NDUFB7: variants seen among roughly 807,000 people sequenced by gnomAD.
The protein encoded by NDUFB7 is NADH dehydrogenase [ubiquinone] 1 beta subcomplex subunit 7.
A neutral mutation model predicts 14.7 loss-of-function variants in NDUFB7; 18 were observed. That is an observed-to-expected ratio of 1.22 (90% CI 0.85 to 1.81). The LOEUF (loss-of-function observed/expected upper bound fraction) is 1.81, where lower values mean the gene tolerates loss of function less well. Ranked by LOEUF, NDUFB7 falls within the 40% of genes most tolerant of loss-of-function variation. The probability of loss-of-function intolerance (pLI) is 0.00; values close to 1 mark genes in which losing one functional copy is unlikely to be tolerated. For synonymous variants in NDUFB7, 86 were observed against 76.1 expected (o/e 1.13, Z -0.68); for missense variants, 219 against 195.0 (o/e 1.12, Z -0.73).
chr19:14,571,983 G>A lies in NDUFB7; in HGVS notation c.18C>T (p.Val6=), dbSNP rs1476358300. The A allele has an allele frequency of 1.2e-6, 2 of 1,604,392 alleles. No individual in the cohort carries two copies. Among genetic ancestry groups the A allele is most frequent in the Non-Finnish European group, 1.7e-6 (2 of 1,176,104 alleles). ...CCGAGGCATCGCCCAGGTAGCGCCG[G>A]ACCAGGTGGGCCCCCATGGCTGCAG... is the stretch of plus-strand genomic sequence containing the variant. MGAHL[V]RRYLGDASVE... is the part of the protein sequence containing the mutation. The change falls in exon 1 of 3, where the codon GTC becomes GTT. Residue 6 remains valine, a synonymous_variant. Transcript: ENST00000215565.
intron 1 of NDUFB7, among the ~76,000 whole-genome samples, chr19:14,570,753 C>CA (rs1599516112): frequency 6.6e-6 from 1 of 152,376 alleles, no homozygotes; most frequent in East Asian, 1.9e-4. Flanking sequence ...ACAGTGCCTG[C>CA]ATCCCTCCAG....
chr19:14,567,576 C>T lies in NDUFB7; in HGVS notation c.113-643G>A, dbSNP rs1206890276. Among the ~76,000 whole-genome samples the T allele has an allele frequency of 2.0e-5, 3 of 152,056 alleles. No individual in the cohort carries two copies. Among genetic ancestry groups the T allele is most frequent in the Non-Finnish European group, 2.9e-5 (2 of 68,000 alleles). ...CAAACCTGACTCCGGACAAATCAAC[C>T]TTCAGGAGGGGGCCGATGGGAGCAT... On this transcript the variant is annotated intron_variant, in intron 1 of 2. Coordinates refer to ENST00000215565, the MANE Select transcript of NDUFB7 (RefSeq NM_004146.6). This position sits in a 1 kb window ranked among gnomAD's most constrained non-coding sequence, Gnocchi z 5.1.
rs778719618 is a variant in NDUFB7, at chr19:14,566,915, T to C, written c.131A>G (p.Gln44Arg). 66 of 1,585,088 alleles carry C rather than the reference T, an allele frequency of 4.2e-5. No individual in the cohort carries two copies. In the Admixed American group the frequency reaches 1.1e-3, roughly 27 times the overall value. ...CCTCAGCTGCGCGTCCATCATCTCC[T>C]GCTGTGTGGCCACCATCTCTGCAGG... ...RKEREMVATQ[Q>R]EMMDAQLRLQ... Residue 44 changes from glutamine (Q) to arginine (R), a missense_variant, in exon 2 of 3, where the codon CAG (glutamine) becomes CGG (arginine). By Grantham distance (43) the Gln-to-Arg change is conservative. Coordinates refer to ENST00000215565, the MANE Select transcript of NDUFB7 (RefSeq NM_004146.6).
At position 14,567,238 on chromosome 19, in the gene NDUFB7, C is replaced by A. The variant is rs2074096771; in HGVS notation, c.113-305G>T. ...TTGCCTCCCCTCCCACAGGGATGCCCGTCCCCAGCTCTCTACAGCCCCGCT... is the reference window on the plus strand; with the variant it reads ...TTGCCTCCCCTCCCACAGGGATGCCAGTCCCCAGCTCTCTACAGCCCCGCT... On this transcript the variant is annotated intron_variant, in intron 1 of 2. Coordinates refer to ENST00000215565, the MANE Select transcript of NDUFB7 (RefSeq NM_004146.6). The surrounding 1 kb of genome is among the most constrained non-coding windows in gnomAD (Gnocchi z 5.1). Among the ~76,000 whole-genome samples, 1 of 152,092 alleles carries A rather than the reference C, an allele frequency of 6.6e-6. No homozygotes were observed. Among genetic ancestry groups the A allele is most frequent in the Non-Finnish European group, 1.5e-5 (1 of 68,006 alleles).
In NDUFB7 at chr19:14,566,206, C is replaced by A. The variant is rs759103500; in HGVS notation, c.341G>T (p.Arg114Leu). The A allele has an allele frequency of 1.2e-6, 2 of 1,613,944 alleles. No homozygotes were observed. Among genetic ancestry groups the A allele is most frequent in the African/African-American group, 1.3e-5 (1 of 74,946 alleles). ...CAACTCTGCCGCCTTCTTCTCCCGC[C>A]GCTTCTTCCGCTGGAGCAGCCTCCG... Reference protein sequence around the residue: ...RERRLLQRKKRREKKAAELAK... With the variant: ...RERRLLQRKKLREKKAAELAK... The change falls in exon 3 of 3, where the codon CGG (arginine) becomes CTG (leucine). Residue 114 changes from arginine (R) to leucine (L), a missense_variant. Transcript: ENST00000215565.
intron 1 of NDUFB7, among the ~76,000 whole-genome samples, chr19:14,570,413 G>T (rs940049407): frequency 1.3e-4 from 19 of 151,780 alleles, no homozygotes. Flanking sequence ...CATTGGCCAG[G>T]ATGGTCTCAA....
rs1031224917 is a variant in NDUFB7 at position 14,567,468 on chromosome 19, C to G, written c.113-535G>C. 6.6e-6 allele frequency among the ~76,000 whole-genome samples: 1 copy of G among 152,170 alleles called. No homozygotes were observed. Among genetic ancestry groups the G allele is most frequent in the Non-Finnish European group, 1.5e-5 (1 of 68,038 alleles). On this transcript the variant is annotated intron_variant, in intron 1 of 2. Transcript: ENST00000215565. The surrounding 1 kb of genome is among the most constrained non-coding windows in gnomAD (Gnocchi z 5.1). ...GGAAGTTACCCGAGCATCCACTGAG[C>G]TAACAGTACCTGTAAGGTACTTAGG...
intron 2 of NDUFB7, 48 bp downstream of exon 2, chr19:14,566,717 T>TGGGGTGTTGCGGGCC: frequency 9.1e-7 from 1 of 1,099,364 alleles, no homozygotes; most frequent in South Asian, 1.4e-5. Flanking sequence ...GCTGGGGGTA[T>TGGGGTGTTGCGGGCC]GGGGTGTTGC....
chr19:14,570,885 G>A (rs891980011), intron 1 of NDUFB7, among the ~76,000 whole-genome samples: 1 of 152,130 alleles, frequency 6.6e-6, no homozygotes, highest in African/African-American at 2.4e-5. Context: ...CATCCTGGGC[G>A]TAGTGGCTCA....
At chr19:14,570,863 G>A (rs112791563) in intron 1 of NDUFB7, among the ~76,000 whole-genome samples, 4,495 of 152,088 alleles carry the variant, frequency 0.03, 91 homozygotes, top group East Asian at 0.082. Context: ...ACAAACACAC[G>A]AACCAAAAAA....
At chr19:14,571,569 G>A (rs2074125128) in intron 1 of NDUFB7, among the ~76,000 whole-genome samples, 1 of 151,316 alleles carries the variant, frequency 6.6e-6, no homozygotes, top group Non-Finnish European at 1.5e-5. Context: ...CTGCACTCCA[G>A]CCTGAAAGAA....
chr19:14,569,589 CT>C (rs2074112944), intron 1 of NDUFB7, among the ~76,000 whole-genome samples: 1 of 152,148 alleles, frequency 6.6e-6, no homozygotes, highest in South Asian at 2.1e-4. Flanking sequence ...GTTTGCAAAG[CT>C]GATCTTGGGG....
chr19:14,566,112 A>T lies in NDUFB7; in HGVS notation c.*21T>A. On this transcript the variant is annotated 3_prime_UTR_variant, in exon 3 of 3. Transcript: ENST00000215565. ...CTGAAGGCTTTTATTTGACTGGTCC[A>T]TAGGGTGGGGGGTGCACCCCCTACA... is the stretch of plus-strand genomic sequence containing the variant. 6.2e-7 allele frequency: 1 copy of T among 1,601,410 alleles called. No individual in the cohort carries two copies. The highest frequency in any genetic ancestry group is 1.7e-5 in the Admixed American group (1 of 57,916).
chr19:14,566,297 G>C, intron 2 of NDUFB7, 32 bp from the exon 3 acceptor site: 2 of 1,612,956 alleles, frequency 1.2e-6, no homozygotes, highest in Non-Finnish European at 1.7e-6. Flanking sequence ...GGCTGTCAGG[G>C]TCCCTGGCCA....
intron 1 of NDUFB7, among the ~76,000 whole-genome samples, chr19:14,569,638 G>A (rs778007138): frequency 3.3e-5 from 5 of 152,154 alleles, no homozygotes; most frequent in Admixed American, 6.6e-5. Context: ...GAAGGTGGAC[G>A]GACCAATGAA....
rs1317724355 is a variant in NDUFB7 at position 14,566,278 on chromosome 19, C to G, written c.282-13G>C. 6.2e-7 allele frequency: 1 copy of G among 1,613,720 alleles called. No homozygotes were observed. Among genetic ancestry groups the G allele is most frequent in the South Asian group, 1.1e-5 (1 of 91,090 alleles). On this transcript the variant is annotated splice_polypyrimidine_tract_variant and intron_variant, in intron 2 of 2. Transcript: ENST00000215565. The stretch of plus-strand genomic sequence containing the variant: ...GCGCATCACATAGCTGGGGGAAAAG[C>G]ACGAGAGGGGCTGTCAGGGTCCCTG...
intron 1 of NDUFB7, among the ~76,000 whole-genome samples, chr19:14,568,683 G>C (rs1215619878): frequency 6.6e-6 from 1 of 152,160 alleles, no homozygotes; most frequent in African/African-American, 2.4e-5. Context: ...AAGTATTAGG[G>C]AGACCAGCCT....
intron 1 of NDUFB7, among the ~76,000 whole-genome samples, chr19:14,568,474 GAGCTCCAGGTGGCAATCCT>G (rs2074106315): frequency 6.6e-6 from 1 of 152,192 alleles, no homozygotes; most frequent in Non-Finnish European, 1.5e-5. Flanking sequence ...TCTGCACTTG[GAGCTCCAGGTGGCAATCCT>G]AGACTCCTCC....
At chr19:14,566,654 G>A in intron 2 of NDUFB7, 111 bp downstream of exon 2, 1 of 982,472 alleles carries the variant, frequency 1.0e-6, no homozygotes. Flanking sequence ...GTGGGAGGGG[G>A]GCTTGGGCGG....
Sources: gnomAD v4.1 joint callset for allele counts (sites outside exome capture counted in the v4.1 genomes callset) on GRCh38, gnomAD v4.1.1 for gene constraint, Gnocchi (gnomAD v3.1) non-coding constraint, MANE v1.5 for transcripts, NCBI Gene and HGNC (gene_info 2026-07-23, HGNC 2026-07-21) for gene names.